DLG2: variants seen among roughly 807,000 people sequenced by gnomAD.
The protein encoded by DLG2 is discs large MAGUK scaffold protein 2.
In DLG2, 45 loss-of-function variants were observed where a neutral mutation model predicts 132.5. That is an observed-to-expected ratio of 0.34 (90% CI 0.27 to 0.44). The LOEUF is 0.44. Ranked by LOEUF, DLG2 falls within the 20% of genes least tolerant of loss-of-function variation. DLG2 has a pLI of 1.00. For synonymous variants in DLG2, 424 were observed against 419.6 expected, an observed-to-expected ratio of 1.01 and a Z score of -0.13; for missense variants, 1,045 against 1,196.9, an observed-to-expected ratio of 0.87 and a Z score of 1.87.
At chr11:83,778,309 G>C (rs2094670354) in intron 18 of DLG2, among the ~76,000 whole-genome samples, 1 of 152,042 alleles carries the variant, frequency 6.6e-6, no homozygotes, top group Non-Finnish European at 1.5e-5. Flanking sequence ...CCATGCATTT[G>C]ATCTGGGTGT....
At chr11:84,633,022 G>C (rs1286505333) in intron 6 of DLG2, among the ~76,000 whole-genome samples, 1 of 152,260 alleles carries the variant, frequency 6.6e-6, no homozygotes, top group Non-Finnish European at 1.5e-5. Context: ...ATAGGACTCT[G>C]CTCCTGAGAT....
At chr11:84,552,682 T>A (rs1383303138) in intron 6 of DLG2, among the ~76,000 whole-genome samples, 2 of 152,222 alleles carry the variant, frequency 1.3e-5, no homozygotes. Context: ...GTCTTGTTTA[T>A]GGCTGTAGGA....
chr11:85,229,688 C>A (rs974443245), intron 4 of DLG2, among the ~76,000 whole-genome samples: 10 of 152,106 alleles, frequency 6.6e-5, no homozygotes, highest in Non-Finnish European at 1.5e-4. Context: ...GACACATGCA[C>A]ACATATGTTT....
chr11:85,580,623 C>T (rs2078451192), intron 3 of DLG2, among the ~76,000 whole-genome samples: 1 of 152,150 alleles, frequency 6.6e-6, no homozygotes, highest in East Asian at 1.9e-4. Flanking sequence ...TTATCATCCC[C>T]AATTTACAGA....
chr11:83,863,078 G>A (rs1385375895), intron 16 of DLG2, among the ~76,000 whole-genome samples: 1 of 152,194 alleles, frequency 6.6e-6, no homozygotes, highest in Non-Finnish European at 1.5e-5. Flanking sequence ...CTGGCATTGT[G>A]TATGTAACAG....
chr11:84,795,599 G>T (rs192694242), intron 6 of DLG2, among the ~76,000 whole-genome samples: 157 of 152,216 alleles, frequency 1.0e-3, no homozygotes, highest in Non-Finnish European at 1.8e-3. Flanking sequence ...AAGAACTCAG[G>T]ACCCACCAAA....
intron 6 of DLG2, among the ~76,000 whole-genome samples, chr11:84,577,391 C>T: frequency 6.6e-6 from 1 of 152,156 alleles, no homozygotes; most frequent in East Asian, 1.9e-4. Flanking sequence ...TTGGAACTTC[C>T]TGGAGACTTG....
intron 19 of DLG2, among the ~76,000 whole-genome samples, chr11:83,573,880 T>A (rs1199769194): frequency 6.6e-6 from 1 of 152,146 alleles, no homozygotes; most frequent in Non-Finnish European, 1.5e-5. Context: ...TATAACACAT[T>A]GGAAAGAGCA....
rs1596608084 is a variant in DLG2 at position 85,372,428 on chromosome 11, AC to A, written c.41-87064del. 3.3e-5 allele frequency among the ~76,000 whole-genome samples: 5 copies of A among 152,228 alleles called. No homozygotes were observed. The East Asian group carries it at 9.7e-4, about 29-fold the overall frequency. On this transcript the variant is annotated intron_variant, in intron 3 of 27. Coordinates refer to ENST00000376104, the MANE Select transcript of DLG2 (RefSeq NM_001142699.3). ...TGGTTTATGATAAGGAGTCCATGCA[AC>A]CCCCCTGAGATACATTTTGTCTCAG... is the stretch of plus-strand genomic sequence containing the variant.
chr11:83,574,865 T>G (rs2096850551), intron 19 of DLG2, among the ~76,000 whole-genome samples: 3 of 152,160 alleles, frequency 2.0e-5, no homozygotes. Flanking sequence ...TTGGCACTTG[T>G]GAAATTATTG....
chr11:83,707,432 G>A lies in DLG2; in HGVS notation c.1826-74107C>T, dbSNP rs191293896. The stretch of plus-strand genomic sequence containing the variant: ...CGCCTATAATCCCAGCACTTTGGGA[G>A]GCCGAGGGGGGCAGATCACCTGAGG... On this transcript the variant is annotated intron_variant, in intron 18 of 27. Transcript: ENST00000376104. Among the ~76,000 whole-genome samples the A allele has an allele frequency of 2.8e-3, 432 of 152,322 alleles. 1 individual carries two copies. Among genetic ancestry groups the A allele is most frequent in the African/African-American group, 0.01 (417 of 41,566 alleles).
chr11:83,764,515 G>A (rs1192100890), intron 18 of DLG2, among the ~76,000 whole-genome samples: 1 of 152,174 alleles, frequency 6.6e-6, no homozygotes, highest in Non-Finnish European at 1.5e-5. Flanking sequence ...TGGTGAGGTT[G>A]GATGGGAGTT....
At chr11:83,534,944 C>T (rs143318257) in intron 20 of DLG2, among the ~76,000 whole-genome samples, 9 of 152,068 alleles carry the variant, frequency 5.9e-5, no homozygotes, top group African/African-American at 1.4e-4. Flanking sequence ...CTTCGTCTCC[C>T]CCAAAAGTAA....
intron 24 of DLG2, 89 bp downstream of exon 24, chr11:83,471,537 C>T: frequency 1.1e-6 from 1 of 917,218 alleles, no homozygotes; most frequent in South Asian, 1.5e-5. Flanking sequence ...ACTGGAGAGA[C>T]TACTGGAGGA....
rs145761671 is a variant in DLG2, at chr11:85,154,542, A to G, written c.282+14T>C. The G allele has an allele frequency of 7.8e-7, 1 of 1,289,630 alleles. No individual in the cohort carries two copies. The highest frequency in any genetic ancestry group is 1.5e-5 in the African/African-American group (1 of 67,530). 79.9% of individuals were successfully genotyped at this position (1,289,630 alleles called of 1,614,324 possible). On this transcript the variant is annotated intron_variant, in intron 5 of 27. Coordinates refer to ENST00000376104, the MANE Select transcript of DLG2 (RefSeq NM_001142699.3). ...ATGAAGCCTAGTAAGAAAAGAAAAC[A>G]GTATAACACTTACAGTTGTCGTCTC...
intron 11 of DLG2, among the ~76,000 whole-genome samples, chr11:84,055,871 G>A (rs1422946574): frequency 6.6e-6 from 1 of 151,952 alleles, no homozygotes; most frequent in Non-Finnish European, 1.5e-5. Flanking sequence ...CTATTGTCTG[G>A]ATCTGTGCCA....
chr11:83,775,547 G>A (rs1432624707), intron 18 of DLG2, among the ~76,000 whole-genome samples: 2 of 152,106 alleles, frequency 1.3e-5, no homozygotes, highest in African/African-American at 4.8e-5. Flanking sequence ...AAAGGTGTCA[G>A]GCCTGTAGTG....
chr11:83,764,218 G>A (rs1192724369), intron 18 of DLG2, among the ~76,000 whole-genome samples: 1 of 152,178 alleles, frequency 6.6e-6, no homozygotes, highest in Non-Finnish European at 1.5e-5. Context: ...CAGGTGCAGA[G>A]CTGAGAAAAT....
chr11:84,255,622 C>T (rs1030383185), intron 7 of DLG2, among the ~76,000 whole-genome samples: 1 of 152,158 alleles, frequency 6.6e-6, no homozygotes, highest in African/African-American at 2.4e-5. Context: ...CACGTCCGGC[C>T]ATACACTCTC....
Sources: gnomAD v4.1 joint callset for allele counts (sites outside exome capture counted in the v4.1 genomes callset) on GRCh38, gnomAD v4.1.1 for gene constraint, MANE v1.5 for transcripts, NCBI Gene and HGNC (gene_info 2026-07-23, HGNC 2026-07-21) for gene names.